The following ONECUT2 variants were observed in gnomAD, a reference collection of about 807,000 sequenced individuals.
ONECUT2 encodes the protein one cut homeobox 2.
ONECUT2 carries 10 observed loss-of-function variants against 27.9 expected under a neutral mutation model. The ratio of observed to expected loss-of-function variants is 0.36; its 90% CI spans 0.22 to 0.61. ONECUT2 has a LOEUF of 0.61. ONECUT2 is among the 20% of genes least tolerant of loss of function. ONECUT2 has a pLI of 0.73. For missense variants in ONECUT2, 686 were observed against 721.0 expected, an observed-to-expected ratio of 0.95 and a Z score of 0.56; for synonymous variants, 334 against 315.1, an observed-to-expected ratio of 1.06 and a Z score of -0.64.
At chr18:57,471,136 T>A (rs2050351213) in intron 1 of ONECUT2, among the ~76,000 whole-genome samples, 1 of 152,166 alleles carries the variant, frequency 6.6e-6, no homozygotes, top group African/African-American at 2.4e-5. Flanking sequence ...CTGTCCCGCC[T>A]CCCTTTGCAT....
intron 1 of ONECUT2, among the ~76,000 whole-genome samples, chr18:57,467,744 A>C (rs77927304): frequency 0.044 from 6,746 of 152,254 alleles, 582 homozygotes; most frequent in East Asian, 0.36. Flanking sequence ...CCTGTGTCAG[A>C]GGTGAAGCCC....
Position 57,436,096 on chromosome 18 carries a change from T to C in ONECUT2, c.380T>C (p.Leu127Pro). 2 of 1,599,936 alleles carry C rather than the reference T, an allele frequency of 1.3e-6. No individual in the cohort carries two copies. The highest frequency in any genetic ancestry group is 1.7e-6 in the Non-Finnish European group (2 of 1,179,736). The change falls in exon 1 of 2, where the codon CTG becomes CCG. Residue 127 changes from leucine (L) to proline (P), a missense_variant. By Grantham distance (98) the Leu-to-Pro change is moderately conservative. Around this residue, in one of 4 missense-constraint regions of ONECUT2, gnomAD observed 511 missense variants for 488.1 expected, o/e 1.05. Transcript: ENST00000491143. This position sits in a 1 kb window ranked among gnomAD's most constrained non-coding sequence, Gnocchi z 5.9. ...GDYRPELSIP[L>P]HHAMSMSCDS... Reference sequence around the variant, plus strand: ...TACCGGCCCGAGCTCTCCATCCCGCTGCACCACGCCATGAGCATGTCCTGC... The same window carrying C: ...TACCGGCCCGAGCTCTCCATCCCGCCGCACCACGCCATGAGCATGTCCTGC...
chr18:57,435,677 C>T lies in ONECUT2; in HGVS notation c.-40C>T. The T allele has an allele frequency of 2.0e-6, 2 of 994,926 alleles. No individual in the cohort carries two copies. The highest frequency in any genetic ancestry group is 1.0e-4 in the East Asian group (1 of 9,548). The allele number at this position is 994,926 out of a possible 1,614,324, so 61.6% of individuals were successfully genotyped here. On this transcript the variant is annotated 5_prime_UTR_variant, in exon 1 of 2. Transcript: ENST00000491143. ...GCGCGCCTTGCCCGCCCGCCGGCCG[C>T]CCCCGCCGCCCCCGCCGCCCCCGGG...
chr18:57,470,772 A>G (rs1271645394), intron 1 of ONECUT2, among the ~76,000 whole-genome samples: 1 of 151,398 alleles, frequency 6.6e-6, no homozygotes, highest in African/African-American at 2.4e-5. Context: ...TACCCTCCAC[A>G]CCACACACAC....
chr18:57,448,320 A>AT (rs1191518894), intron 1 of ONECUT2, among the ~76,000 whole-genome samples: 3 of 152,080 alleles, frequency 2.0e-5, no homozygotes, highest in African/African-American at 7.2e-5. Flanking sequence ...ATAAATGAGA[A>AT]TTTTTTTTCC....
chr18:57,446,871 G>A (rs1488316603), intron 1 of ONECUT2, among the ~76,000 whole-genome samples: 1 of 152,166 alleles, frequency 6.6e-6, no homozygotes, highest in African/African-American at 2.4e-5. Flanking sequence ...AAATAGCCGT[G>A]GGAGGGAAAA....
At position 57,477,535 on chromosome 18, in the gene ONECUT2, C is replaced by T. The variant is rs1175199274; in HGVS notation, c.*812C>T. 1 of 152,572 alleles carries T rather than the reference C, an allele frequency of 6.6e-6. No homozygotes were observed. Among genetic ancestry groups the T allele is most frequent in the African/African-American group, 2.4e-5 (1 of 41,442 alleles). The allele number at this position is 152,572 out of a possible 1,614,324, so 9.5% of individuals were successfully genotyped here. On this transcript the variant is annotated 3_prime_UTR_variant, in exon 2 of 2. Coordinates refer to ENST00000491143, the MANE Select transcript of ONECUT2 (RefSeq NM_004852.3). ...AGAAGTGAGGAAGGTTCTGGGTTCA[C>T]TACATCTGGATTTTCAAGACACCTA...
chr18:57,436,103 C>G lies in ONECUT2; in HGVS notation c.387C>G (p.His129Gln), dbSNP rs781755116. Residue 129 changes from histidine (H) to glutamine (Q), a missense_variant, in exon 1 of 2, where the codon CAC becomes CAG. This residue lies in a region of ONECUT2 where 511 missense variants were observed against 488.1 expected (regional missense o/e 1.05). Transcript: ENST00000491143. The surrounding 1 kb of genome is among the most constrained non-coding windows in gnomAD (Gnocchi z 5.9). ...CCGAGCTCTCCATCCCGCTGCACCA[C>G]GCCATGAGCATGTCCTGCGACTCGT... is the stretch of plus-strand genomic sequence containing the variant. ...YRPELSIPLH[H>Q]AMSMSCDSSP... 1 of 1,600,470 alleles carries G rather than the reference C, an allele frequency of 6.2e-7. No homozygotes were observed. Among genetic ancestry groups the G allele is most frequent in the Non-Finnish European group, 8.5e-7 (1 of 1,179,838 alleles).
chr18:57,457,120 C>T (rs908837701), intron 1 of ONECUT2, among the ~76,000 whole-genome samples: 5 of 152,178 alleles, frequency 3.3e-5, no homozygotes, highest in Admixed American at 6.5e-5. Context: ...ATACTATTTC[C>T]ATAGTGGCTA....
At chr18:57,449,026 T>G (rs1166490301) in intron 1 of ONECUT2, among the ~76,000 whole-genome samples, 1 of 152,224 alleles carries the variant, frequency 6.6e-6, no homozygotes, top group East Asian at 1.9e-4. Context: ...TCACTTTCAA[T>G]GACTAACCCT....
chr18:57,456,805 A>C (rs1568121272), intron 1 of ONECUT2, among the ~76,000 whole-genome samples: 1 of 152,220 alleles, frequency 6.6e-6, no homozygotes, highest in Non-Finnish European at 1.5e-5. Flanking sequence ...ATTTTTAAAA[A>C]AAATTAAAAA....
intron 1 of ONECUT2, among the ~76,000 whole-genome samples, chr18:57,441,587 T>G (rs2144293675): frequency 6.6e-6 from 1 of 152,386 alleles, no homozygotes; most frequent in East Asian, 1.9e-4. Flanking sequence ...CCTGGGCGGC[T>G]GGGTCCGCGA....
At position 57,461,107 on chromosome 18, in the gene ONECUT2, G is replaced by T. The variant is rs528756372; in HGVS notation, c.1229-15330G>T. 2.4e-3 allele frequency among the ~76,000 whole-genome samples: 361 copies of T among 151,550 alleles called. 2 individuals carry two copies. The highest frequency in any genetic ancestry group is 7.9e-3 in the African/African-American group (327 of 41,344). On this transcript the variant is annotated intron_variant, in intron 1 of 1. Transcript: ENST00000491143. ...TGAAGGTTTTTTTCTGTTGCGTTTT[G>T]GTTTCATAGTTCTTTATACTCAAGT...
rs927913025 is a variant in ONECUT2 at position 57,477,142 on chromosome 18, A to G, written c.*419A>G. On this transcript the variant is annotated 3_prime_UTR_variant, in exon 2 of 2. Transcript: ENST00000491143. Reference sequence around the variant, plus strand: ...ATGAGTAACAATAGGAGTTTGGCCTATGTAAGGACTCTGAGTTTAGGCTTC... The same window carrying G: ...ATGAGTAACAATAGGAGTTTGGCCTGTGTAAGGACTCTGAGTTTAGGCTTC... The G allele has an allele frequency of 2.7e-5, 5 of 184,070 alleles. No homozygotes were observed. The highest frequency in any genetic ancestry group is 5.7e-5 in the Non-Finnish European group (5 of 87,342). The allele number at this position is 184,070 out of a possible 1,614,324, so 11.4% of individuals were successfully genotyped here.
chr18:57,479,382 G>A lies in ONECUT2; in HGVS notation c.*2659G>A, dbSNP rs577588812. The A allele has an allele frequency of 3.7e-4, 56 of 152,652 alleles. No homozygotes were observed. Among genetic ancestry groups the A allele is most frequent in the African/African-American group, 1.2e-3 (51 of 41,522 alleles). 9.5% of individuals were successfully genotyped at this position (152,652 alleles called of 1,614,324 possible). A position where few individuals can be genotyped will look rare whatever the true frequency, so the allele number is the denominator to read the frequency against. ...TACATATATAGATCAACTTGACATTGGTGATAACCAAAATTATTGCTGTCC... is the reference window on the plus strand; with the variant it reads ...TACATATATAGATCAACTTGACATTAGTGATAACCAAAATTATTGCTGTCC... On this transcript the variant is annotated 3_prime_UTR_variant, in exon 2 of 2. Transcript: ENST00000491143.
chr18:57,467,531 A>AC (rs2050330046), intron 1 of ONECUT2, among the ~76,000 whole-genome samples: 1 of 84,474 alleles, frequency 1.2e-5, no homozygotes, highest in East Asian at 2.9e-4. Context: ...ACACTTGGCT[A>AC]ATTTTTTTTA....
intron 1 of ONECUT2, among the ~76,000 whole-genome samples, chr18:57,441,506 A>T (rs1201317206): frequency 6.6e-6 from 1 of 151,456 alleles, no homozygotes; most frequent in Non-Finnish European, 1.5e-5. Context: ...TGCCCTCTGC[A>T]CCCCCTCCCC....
rs1414627327 is a variant in ONECUT2, at chr18:57,435,429, G to C, written c.-288G>C. On this transcript the variant is annotated 5_prime_UTR_variant, in exon 1 of 2. Coordinates refer to ENST00000491143, the MANE Select transcript of ONECUT2 (RefSeq NM_004852.3). ...AAACAGAAGACGTCGGCGCCGGAGC[G>C]GGCTCGGACATGGCGAGGCTGCGAG... is the stretch of plus-strand genomic sequence containing the variant. Among the ~76,000 whole-genome samples, 12 of 151,672 alleles carry C rather than the reference G, an allele frequency of 7.9e-5. No homozygotes were observed. The highest frequency in any genetic ancestry group is 2.1e-4 in the South Asian group (1 of 4,822).
chr18:57,436,059 G>A lies in ONECUT2; in HGVS notation c.343G>A (p.Asp115Asn), dbSNP rs761239116. ...AMVTSMASILDGGDYRPELSI... is the reference protein window; with the variant it reads ...AMVTSMASILNGGDYRPELSI... ...GGTCACCAGCATGGCCTCGATCCTG[G>A]ACGGCGGCGACTACCGGCCCGAGCT... Residue 115 changes from aspartate to asparagine, a missense_variant, in exon 1 of 2, where the codon GAC becomes AAC. Transcript: ENST00000491143. The surrounding 1 kb of genome is among the most constrained non-coding windows in gnomAD (Gnocchi z 5.9). The A allele has an allele frequency of 7.5e-6, 12 of 1,594,544 alleles. No individual in the cohort carries two copies. The highest frequency in any genetic ancestry group is 1.0e-5 in the Non-Finnish European group (12 of 1,177,038).
Sources: gnomAD v4.1 joint callset for allele counts (sites outside exome capture counted in the v4.1 genomes callset) on GRCh38, gnomAD v4.1.1 for gene constraint, gnomAD v4.1.1 regional missense constraint, Gnocchi (gnomAD v3.1) non-coding constraint, MANE v1.5 for transcripts, NCBI Gene and HGNC (gene_info 2026-07-23, HGNC 2026-07-21) for gene names.